DAB1: variants seen among roughly 807,000 people sequenced by gnomAD.
DAB1 encodes the protein DAB adaptor protein 1, also known as disabled homolog 1.
DAB1 carries 15 observed loss-of-function variants against 64.6 expected under a neutral mutation model. That is an observed-to-expected ratio of 0.23 (90% CI 0.16 to 0.36). DAB1 has a LOEUF of 0.36. Among genes scored for constraint, DAB1 ranks in the 10% least tolerant of loss-of-function variants. The probability of loss-of-function intolerance (pLI) is 1.00; values close to 1 mark genes in which losing one functional copy is unlikely to be tolerated. For missense variants in DAB1, 596 were observed against 706.7 expected, an observed-to-expected ratio of 0.84 and a Z score of 1.78; for synonymous variants, 235 against 251.9, an observed-to-expected ratio of 0.93 and a Z score of 0.64.
intron 7 of DAB1, among the ~76,000 whole-genome samples, chr1:57,573,027 G>A (rs535672560): frequency 6.6e-6 from 1 of 152,144 alleles, no homozygotes. Flanking sequence ...AATTCAACAA[G>A]AGATTTGGGC....
intron 2 of DAB1, among the ~76,000 whole-genome samples, chr1:57,221,700 C>T (rs1027263811): frequency 6.6e-6 from 1 of 152,088 alleles, no homozygotes; most frequent in Non-Finnish European, 1.5e-5. Context: ...TCACACTCTC[C>T]CTACTTTGGC....
intron 7 of DAB1, among the ~76,000 whole-genome samples, chr1:57,615,116 C>T (rs1251175372): frequency 6.6e-6 from 1 of 151,976 alleles, no homozygotes; most frequent in African/African-American, 2.4e-5. Flanking sequence ...ATGATCCACC[C>T]GCCTCGGCCT....
intron 5 of DAB1, among the ~76,000 whole-genome samples, chr1:57,912,141 ATTC>A (rs1644654757): frequency 6.6e-6 from 1 of 152,148 alleles, no homozygotes; most frequent in South Asian, 2.1e-4. Flanking sequence ...GCTAACTCCT[ATTC>A]TTCCTTCAAG....
chr1:57,678,989 T>C (rs1646604440), intron 6 of DAB1, among the ~76,000 whole-genome samples: 1 of 151,882 alleles, frequency 6.6e-6, no homozygotes, highest in African/African-American at 2.4e-5. Context: ...GCCAGGAAGG[T>C]CTCGATCTTC....
At chr1:56,999,380 C>A (rs1213980177) in intron 14 of DAB1, among the ~76,000 whole-genome samples, 1 of 152,152 alleles carries the variant, frequency 6.6e-6, no homozygotes, top group Non-Finnish European at 1.5e-5. Flanking sequence ...TTTTTCTAAT[C>A]TTTTACAACA....
At chr1:57,123,563 C>T (rs912289420) in intron 4 of DAB1, among the ~76,000 whole-genome samples, 30 of 152,056 alleles carry the variant, frequency 2.0e-4, no homozygotes, top group African/African-American at 7.0e-4. Flanking sequence ...GCCCAAGAGC[C>T]TTAAAAATAT....
At chr1:57,099,285 G>T (rs983535344) in intron 4 of DAB1, among the ~76,000 whole-genome samples, 1 of 152,200 alleles carries the variant, frequency 6.6e-6, no homozygotes, top group African/African-American at 2.4e-5. Context: ...GGATAATAGG[G>T]TTGATTGTAG....
chr1:57,711,260 A>C (rs1647026100), intron 6 of DAB1, among the ~76,000 whole-genome samples: 1 of 152,244 alleles, frequency 6.6e-6, no homozygotes, highest in Admixed American at 6.5e-5. Context: ...TAAGCCTAGA[A>C]ATGAGCAAAG....
At chr1:58,144,517 G>A (rs2100720991) in intron 5 of DAB1, among the ~76,000 whole-genome samples, 1 of 152,322 alleles carries the variant, frequency 6.6e-6, no homozygotes, top group East Asian at 1.9e-4. Context: ...ATTGTGCCAA[G>A]CACCTTACAT....
chr1:57,073,800 A>T (rs1262082867), intron 4 of DAB1, among the ~76,000 whole-genome samples: 1 of 152,192 alleles, frequency 6.6e-6, no homozygotes, highest in Non-Finnish European at 1.5e-5. Flanking sequence ...ATCTCAAAAA[A>T]CTAAACAGAA....
At chr1:58,440,636 G>T (rs1191715301) in intron 3 of DAB1, among the ~76,000 whole-genome samples, 1 of 152,198 alleles carries the variant, frequency 6.6e-6, no homozygotes. Context: ...ATGAGATAAT[G>T]AAATAAGTGT....
intron 1 of DAB1, among the ~76,000 whole-genome samples, chr1:58,541,112 C>CCAGCCTGGCCAACAAT (rs71043291): frequency 0.97 from 146,983 of 151,312 alleles, 71,537 homozygotes; most frequent in East Asian, 1. Context: ...GCATTCGAGG[C>CCAGCCTGGCCAACAAT]GTGAAACCCC....
intron 9 of DAB1, among the ~76,000 whole-genome samples, chr1:57,046,789 T>A (rs1296765028): frequency 6.6e-6 from 1 of 152,254 alleles, no homozygotes; most frequent in East Asian, 1.9e-4. Flanking sequence ...TCAGGGAACC[T>A]GCATCTTGGA....
intron 3 of DAB1, among the ~76,000 whole-genome samples, chr1:58,369,367 A>G (rs1644245276): frequency 6.6e-6 from 1 of 152,200 alleles, no homozygotes; most frequent in Non-Finnish European, 1.5e-5. Flanking sequence ...TATAAGACAC[A>G]TTTTTACACA....
In DAB1 at chr1:57,944,734, T is replaced by A. The variant is rs185476687; in HGVS notation, n.388-60572A>T. Reference sequence around the variant, plus strand: ...CAGCTCTTCCACATACACACATATATAACCTCGGCAAGCTGCTCCAAAAAG... The same window carrying A: ...CAGCTCTTCCACATACACACATATAAAACCTCGGCAAGCTGCTCCAAAAAG... On this transcript the variant is annotated intron_variant and non_coding_transcript_variant, in intron 5 of 20. Coordinates refer to the DAB1 transcript ENST00000485760. 6.6e-5 allele frequency among the ~76,000 whole-genome samples: 10 copies of A among 152,288 alleles called. No individual in the cohort carries two copies. The East Asian group carries it at 1.9e-3, about 29-fold the overall frequency.
intron 7 of DAB1, among the ~76,000 whole-genome samples, chr1:57,482,045 T>A (rs1644027638): frequency 6.6e-6 from 1 of 152,078 alleles, no homozygotes; most frequent in East Asian, 1.9e-4. Flanking sequence ...AGAGAATCCA[T>A]TATTTAAAAT....
intron 5 of DAB1, among the ~76,000 whole-genome samples, chr1:57,950,715 A>G (rs893274855): frequency 2.0e-5 from 3 of 152,162 alleles, no homozygotes; most frequent in Non-Finnish European, 2.9e-5. Flanking sequence ...ATTATCTCCT[A>G]TGTTTCAAAA....
At chr1:57,960,155 C>T (rs1645483704) in intron 5 of DAB1, among the ~76,000 whole-genome samples, 1 of 152,092 alleles carries the variant, frequency 6.6e-6, no homozygotes, top group South Asian at 2.1e-4. Flanking sequence ...GCACGGGAAG[C>T]CCAGGCCGTG....
At chr1:57,944,246 A>T (rs1202852) in intron 5 of DAB1, among the ~76,000 whole-genome samples, 5,718 of 152,052 alleles carry the variant, frequency 0.038, 354 homozygotes, top group African/African-American at 0.13. Context: ...GTGGCCTGGT[A>T]CCCTGTTCCT....
Sources: allele counts gnomAD v4.1 joint callset (sites outside exome capture counted in the v4.1 genomes callset), GRCh38; gene constraint gnomAD v4.1.1; transcripts MANE v1.5; gene names NCBI Gene and HGNC (gene_info 2026-07-23, HGNC 2026-07-21).